Variants in KDM1A observed in about 807,000 individuals in gnomAD.
The protein encoded by KDM1A is lysine-specific histone demethylase 1A.
In KDM1A, 49 loss-of-function variants were observed where a neutral mutation model predicts 109.4. The observed-to-expected ratio is 0.45, with a 90% CI of 0.36 to 0.57. The LOEUF (loss-of-function observed/expected upper bound fraction) is 0.57. KDM1A is among the 20% of genes least tolerant of loss of function. The pLI, the probability that KDM1A is intolerant of heterozygous loss-of-function variation, is 0.00. For missense variants in KDM1A, 668 were observed against 1,116.6 expected (o/e 0.60, Z 5.73); for synonymous variants, 380 against 415.4 (o/e 0.91, Z 1.04).
At chr1:23,027,634 A>AG (rs1641848680) in intron 1 of KDM1A, among the ~76,000 whole-genome samples, 2 of 149,910 alleles carry the variant, frequency 1.3e-5, no homozygotes, top group South Asian at 4.2e-4. Flanking sequence ...TGTGTTGCCT[A>AG]GGCTGGTCTA....
intron 2 of KDM1A, among the ~76,000 whole-genome samples, chr1:23,038,475 G>C (rs141588308): frequency 1.3e-3 from 202 of 152,158 alleles, no homozygotes; most frequent in Middle Eastern, 6.8e-3. Flanking sequence ...CCTTAAGCTT[G>C]GTAGTTGGAC....
At chr1:23,075,876 G>A (rs964603295) in intron 15 of KDM1A, among the ~76,000 whole-genome samples, 1 of 152,090 alleles carries the variant, frequency 6.6e-6, no homozygotes, top group African/African-American at 2.4e-5. Flanking sequence ...GAACCCAGGA[G>A]GCGGAGGTTG....
intron 4 of KDM1A, among the ~76,000 whole-genome samples, 163 bp from the exon 5 acceptor site, chr1:23,053,598 C>G (rs1642737499): frequency 6.6e-6 from 1 of 152,144 alleles, no homozygotes; most frequent in Non-Finnish European, 1.5e-5. Context: ...ATTGCCTAAG[C>G]TGGTCTCAAA....
Position 23,083,637 on chromosome 1 carries a change from TG to T in KDM1A, c.*277del, listed in dbSNP as rs757053985. 53 of 286,766 alleles carry T rather than the reference TG, an allele frequency of 1.8e-4. No individual in the cohort carries two copies. Among genetic ancestry groups the T allele is most frequent in the Non-Finnish European group, 3.2e-4 (50 of 157,052 alleles). 17.8% of individuals were successfully genotyped at this position (286,766 alleles called of 1,614,324 possible). A position where few individuals can be genotyped will look rare whatever the true frequency, so the allele number is the denominator to read the frequency against. ...AACATCATCTTAGTCCCTTGGTGTGTGGGGTTTTTGTTTTTTTTTTATATTT... is the reference window on the plus strand; with the variant it reads ...AACATCATCTTAGTCCCTTGGTGTGTGGGTTTTTGTTTTTTTTTTATATTT... On this transcript the variant is annotated 3_prime_UTR_variant, in exon 21 of 21. Coordinates refer to ENST00000400181, the MANE Select transcript of KDM1A (RefSeq NM_001009999.3).
intron 1 of KDM1A, among the ~76,000 whole-genome samples, chr1:23,023,135 C>T (rs758202138): frequency 6.6e-6 from 1 of 152,084 alleles, no homozygotes; most frequent in African/African-American, 2.4e-5. Context: ...CTATTCAAAT[C>T]CTTGGCTCAT....
At chr1:23,083,066 TG>T in intron 20 of KDM1A, 112 bp from the exon 21 acceptor site, 5 of 888,792 alleles carry the variant, frequency 5.6e-6, no homozygotes, top group Non-Finnish European at 7.0e-6. Context: ...GAATAGTAAT[TG>T]GGGGGGTCAG....
In KDM1A at chr1:23,079,992, C is replaced by G. The variant is rs2235547; in HGVS notation, c.2170+325C>G. The stretch of plus-strand genomic sequence containing the variant: ...TCCTACCAGGGGAAGCTTGCGTTCT[C>G]ATTCTCAGACTGACTTGCCCCTGAT... On this transcript the variant is annotated intron_variant, in intron 18 of 20. Transcript: ENST00000400181. The surrounding 1 kb of genome is among the most constrained non-coding windows in gnomAD (Gnocchi z 5.6). Among the ~76,000 whole-genome samples, 67,212 of 151,926 alleles carry G rather than the reference C, an allele frequency of 0.44. 15,482 individuals are homozygous for G. The highest frequency in any genetic ancestry group is 0.54 in the East Asian group (2,794 of 5,164).
chr1:23,021,381 G>A (rs938776837), intron 1 of KDM1A, among the ~76,000 whole-genome samples: 7 of 152,200 alleles, frequency 4.6e-5, no homozygotes, highest in African/African-American at 1.7e-4. Context: ...AGATTTATTG[G>A]CTGGGCACAG....
rs199633259 is a variant in KDM1A at position 23,048,617 on chromosome 1, C to G, written c.578-1770C>G. 1.1e-4 allele frequency among the ~76,000 whole-genome samples: 17 copies of G among 152,158 alleles called. No individual in the cohort carries two copies. In the East Asian group the frequency reaches 2.5e-3, roughly 22 times the overall value. On this transcript the variant is annotated intron_variant, in intron 3 of 20. Transcript: ENST00000400181. ...GAATAGTATTTCTTAATGTGTGGCC[C>G]ATGATTGGCATTAGGCGTTTTTGCT... is the stretch of plus-strand genomic sequence containing the variant.
At chr1:23,056,608 A>G (rs1003895759) in intron 7 of KDM1A, among the ~76,000 whole-genome samples, 1 of 152,038 alleles carries the variant, frequency 6.6e-6, no homozygotes, top group Non-Finnish European at 1.5e-5. Context: ...TGAACTGCTA[A>G]TTTTTTAAAA....
intron 4 of KDM1A, 100 bp downstream of exon 4, chr1:23,050,620 A>G (rs1156262799): frequency 1.1e-6 from 1 of 932,484 alleles, no homozygotes; most frequent in Non-Finnish European, 1.5e-6. Flanking sequence ...GAATTCTAAA[A>G]TTATCTATAA....
intron 9 of KDM1A, among the ~76,000 whole-genome samples, chr1:23,062,448 CT>C (rs1464994717): frequency 9.9e-5 from 15 of 152,162 alleles, no homozygotes; most frequent in African/African-American, 3.6e-4. Context: ...AAAAACGTAA[CT>C]TGTTGGTTCT....
intron 3 of KDM1A, among the ~76,000 whole-genome samples, chr1:23,046,779 A>G (rs1438643153): frequency 2.6e-5 from 4 of 152,234 alleles, no homozygotes; most frequent in East Asian, 1.9e-4. Flanking sequence ...GCATTCTGAA[A>G]GGTGATGCTG....
At chr1:23,044,644 T>G (rs1324218984) in intron 3 of KDM1A, among the ~76,000 whole-genome samples, 158 bp downstream of exon 3, 3 of 152,170 alleles carry the variant, frequency 2.0e-5, no homozygotes. Context: ...GAGAGTGTAG[T>G]GAGAACAAAG....
intron 2 of KDM1A, among the ~76,000 whole-genome samples, chr1:23,037,248 G>A (rs1369688371): frequency 6.6e-6 from 1 of 150,624 alleles, no homozygotes; most frequent in Non-Finnish European, 1.5e-5. Context: ...AGGTTGCAGT[G>A]AGCTGGGATC....
chr1:23,052,862 A>T (rs1204965219), intron 4 of KDM1A, among the ~76,000 whole-genome samples: 2 of 151,748 alleles, frequency 1.3e-5, no homozygotes, highest in Non-Finnish European at 2.9e-5. Context: ...TCCTCTAGGA[A>T]CCCTTCTCAA....
At position 23,079,931 on chromosome 1, in the gene KDM1A, G is replaced by T. The variant is rs561075124; in HGVS notation, c.2170+264G>T. 1.3e-5 allele frequency among the ~76,000 whole-genome samples: 2 copies of T among 152,244 alleles called. No individual in the cohort carries two copies. The highest frequency in any genetic ancestry group is 2.9e-5 in the Non-Finnish European group (2 of 68,018). Reference sequence around the variant, plus strand: ...GGGCTGAACGCCCAGGTTACTGGAGGTCCACTCAGCCTGGAGGGATAGGCC... The same window carrying T: ...GGGCTGAACGCCCAGGTTACTGGAGTTCCACTCAGCCTGGAGGGATAGGCC... On this transcript the variant is annotated intron_variant, in intron 18 of 20. Transcript: ENST00000400181. This position sits in a 1 kb window ranked among gnomAD's most constrained non-coding sequence, Gnocchi z 5.6.
intron 19 of KDM1A, chr1:23,081,982 C>T: frequency 6.0e-6 from 3 of 501,654 alleles, no homozygotes; most frequent in Non-Finnish European, 1.1e-5. Context: ...AGGCCAAGCC[C>T]TGTGTAGATC....
intron 18 of KDM1A, among the ~76,000 whole-genome samples, chr1:23,080,536 T>C (rs906881874): frequency 9.2e-5 from 14 of 152,180 alleles, no homozygotes; most frequent in African/African-American, 3.4e-4. Flanking sequence ...ATGTTCAAAC[T>C]CCTTATCTTG....
Sources: allele counts gnomAD v4.1 joint callset (sites outside exome capture counted in the v4.1 genomes callset), GRCh38; gene constraint gnomAD v4.1.1; non-coding constraint Gnocchi (gnomAD v3.1); transcripts MANE v1.5; gene names NCBI Gene and HGNC (gene_info 2026-07-23, HGNC 2026-07-21).